Variants in OC90 observed in about 807,000 individuals in gnomAD.
OC90 encodes otoconin 90.
In OC90, 46 loss-of-function variants were observed where a neutral mutation model predicts 47.3. That is an observed-to-expected ratio of 0.97 (90% CI 0.77 to 1.24). The LOEUF (loss-of-function observed/expected upper bound fraction) is 1.24, where lower values mean the gene tolerates loss of function less well. Ranked by LOEUF, OC90 falls within the 50% of genes most tolerant of loss-of-function variation. The probability of loss-of-function intolerance (pLI) is 0.00; values close to 1 mark genes in which losing one functional copy is unlikely to be tolerated. For synonymous variants in OC90, 271 were observed against 219.5 expected, an observed-to-expected ratio of 1.23 and a Z score of -2.07; for missense variants, 688 against 583.9, an observed-to-expected ratio of 1.18 and a Z score of -1.84.
chr8:132,044,030 T>G (rs1387833576), intron 4 of OC90, among the ~76,000 whole-genome samples: 3 of 152,166 alleles, frequency 2.0e-5, no homozygotes, highest in Non-Finnish European at 4.4e-5. Flanking sequence ...AAACTTTATA[T>G]TTACTAGTGA....
chr8:132,055,172 G>A (rs998511544), intron 1 of OC90, 99 bp from the exon 2 acceptor site: 2 of 631,554 alleles, frequency 3.2e-6, no homozygotes, highest in Non-Finnish European at 5.5e-6. Flanking sequence ...CACAAGGCAT[G>A]TGGTAAAAGG....
At position 132,038,778 on chromosome 8, in the gene OC90, G is replaced by A; in HGVS notation, c.628+12C>T. The A allele has an allele frequency of 6.2e-7, 1 of 1,611,776 alleles. No individual in the cohort carries two copies. ...TTGTGGTTCAAGAGCCACCAACCCT[G>A]GGAGGCCTTACCTCTGGGCAGAAGT... On this transcript the variant is annotated intron_variant, in intron 8 of 13. Transcript: ENST00000254627.
At chr8:132,027,445 A>C (rs1163217870) in intron 13 of OC90, among the ~76,000 whole-genome samples, 2 of 152,242 alleles carry the variant, frequency 1.3e-5, no homozygotes, top group Non-Finnish European at 2.9e-5. Context: ...GAGGTTGTGT[A>C]GAGGAAGAAG....
At chr8:132,026,240 A>G (rs531390842) in intron 13 of OC90, among the ~76,000 whole-genome samples, 2 of 152,314 alleles carry the variant, frequency 1.3e-5, no homozygotes, top group East Asian at 3.9e-4. Flanking sequence ...CTACACATAC[A>G]TAAGTTTCTA....
rs527764533 is a variant in OC90, at chr8:132,037,246, T to C, written c.679+192A>G. On this transcript the variant is annotated intron_variant, in intron 9 of 13. Transcript: ENST00000254627. ...TCTCATGTTGAAATGTAATCCCCAG[T>C]GTTGGAGATGGGGCCTGGTGGGAGG... Among the ~76,000 whole-genome samples, 17 of 152,288 alleles carry C rather than the reference T, an allele frequency of 1.1e-4. No homozygotes were observed. In the South Asian group the frequency reaches 3.3e-3, roughly 30 times the overall value.
chr8:132,032,666 T>C lies in OC90; in HGVS notation c.859+373A>G, dbSNP rs1055213131. ...CCTCCTTGCAGGTGCAGGGGCTTTT[T>C]TAAGGCATCAGAGGGAGGAGAGACA... On this transcript the variant is annotated intron_variant, in intron 11 of 13. Coordinates refer to ENST00000254627, the MANE Select transcript of OC90 (RefSeq NM_001080399.3). Among the ~76,000 whole-genome samples the C allele has an allele frequency of 8.5e-5, 13 of 152,220 alleles. 1 individual carries two copies. Among genetic ancestry groups the C allele is most frequent in the African/African-American group, 3.1e-4 (13 of 41,452 alleles).
rs1343627072 is a variant in OC90, at chr8:132,024,414, G to C, written c.*67C>G. ...GGCTCCAAGGGACAGAGGAGGCTGA[G>C]AGATAAAGAGCTGAAGGTGGAGCAG... On this transcript the variant is annotated 3_prime_UTR_variant, in exon 14 of 14. Coordinates refer to ENST00000254627, the MANE Select transcript of OC90 (RefSeq NM_001080399.3). 7.9e-7 allele frequency: 1 copy of C among 1,260,120 alleles called. No homozygotes were observed. The highest frequency in any genetic ancestry group is 1.1e-6 in the Non-Finnish European group (1 of 911,226). The allele number at this position is 1,260,120 out of a possible 1,614,324, so 78.1% of individuals were successfully genotyped here.
intron 1 of OC90, 97 bp from the exon 2 acceptor site, chr8:132,055,170 A>G: frequency 1.5e-6 from 1 of 650,750 alleles, no homozygotes; most frequent in Non-Finnish European, 2.6e-6. Flanking sequence ...CCCACAAGGC[A>G]TGTGGTAAAA....
Position 132,045,898 on chromosome 8 carries a change from G to A in OC90, c.47-15C>T. ...AGGATGGCCTCCTATAAATAAGGAA[G>A]AGAAAGTAGGGTAAGCACAAACACT... On this transcript the variant is annotated splice_polypyrimidine_tract_variant and intron_variant, in intron 2 of 13. Coordinates refer to ENST00000254627, the MANE Select transcript of OC90 (RefSeq NM_001080399.3). 1 of 1,477,714 alleles carries A rather than the reference G, an allele frequency of 6.8e-7. No individual in the cohort carries two copies. Among genetic ancestry groups the A allele is most frequent in the South Asian group, 1.2e-5 (1 of 82,474 alleles). The allele number at this position is 1,477,714 out of a possible 1,614,324, so 91.5% of individuals were successfully genotyped here. A position where few individuals can be genotyped will look rare whatever the true frequency, so the allele number is the denominator to read the frequency against.
chr8:132,054,951 G>T, intron 2 of OC90, 30 bp downstream of exon 2: 1 of 1,508,360 alleles, frequency 6.6e-7, no homozygotes, highest in Non-Finnish European at 9.0e-7. Context: ...ATGCTAAGCT[G>T]GAACTATGGT....
intron 2 of OC90, among the ~76,000 whole-genome samples, chr8:132,052,331 T>C (rs1823223796): frequency 6.6e-6 from 1 of 152,224 alleles, no homozygotes; most frequent in African/African-American, 2.4e-5. Context: ...TGGGCATAAT[T>C]GCCTTGGAAA....
At chr8:132,057,206 A>G (rs1431871771) in intron 1 of OC90, among the ~76,000 whole-genome samples, 1 of 152,204 alleles carries the variant, frequency 6.6e-6, no homozygotes, top group Admixed American at 6.5e-5. Context: ...TAGCTGCTAC[A>G]ATGAAGGCCT....
chr8:132,043,096 T>C (rs1288529143), intron 4 of OC90, among the ~76,000 whole-genome samples: 2 of 152,246 alleles, frequency 1.3e-5, no homozygotes, highest in Admixed American at 1.3e-4. Flanking sequence ...GTTCACTGAA[T>C]GGATCCCAAA....
chr8:132,031,857 G>C, intron 12 of OC90, 24 bp downstream of exon 12: 1 of 1,607,940 alleles, frequency 6.2e-7, no homozygotes. Context: ...CTACACCAGA[G>C]CTGTCACCGC....
intron 12 of OC90, 117 bp downstream of exon 12, chr8:132,031,764 C>T (rs1434284321): frequency 2.2e-5 from 18 of 809,362 alleles, no homozygotes; most frequent in Middle Eastern, 3.4e-4. Context: ...GCTGTGTGCA[C>T]CAAGCATTTA....
At chr8:132,028,932 A>G (rs6471025) in intron 13 of OC90, 141 bp downstream of exon 13, 398,820 of 553,384 alleles carry the variant, frequency 0.72, 144,277 homozygotes, top group East Asian at 0.76. Flanking sequence ...AAGGAAGGGA[A>G]GGAAGGAAGG....
intron 4 of OC90, among the ~76,000 whole-genome samples, chr8:132,042,274 A>G (rs1467096771): frequency 6.6e-6 from 1 of 152,230 alleles, no homozygotes; most frequent in African/African-American, 2.4e-5. Context: ...CAAGATAGAC[A>G]GAGGCTGCTG....
intron 3 of OC90, 93 bp downstream of exon 3, chr8:132,045,725 G>T (rs1289176252): frequency 1.4e-6 from 1 of 731,700 alleles, no homozygotes; most frequent in Non-Finnish European, 2.4e-6. Context: ...GCAGTGAGTG[G>T]CTCTAGGGTG....
chr8:132,058,850 G>A (rs552291187), intron 1 of OC90, among the ~76,000 whole-genome samples: 1 of 152,122 alleles, frequency 6.6e-6, no homozygotes, highest in Admixed American at 6.5e-5. Context: ...TTTTCCCCCG[G>A]GTAAATTTGC....
Sources: gnomAD v4.1 joint callset for allele counts (sites outside exome capture counted in the v4.1 genomes callset) on GRCh38, gnomAD v4.1.1 for gene constraint, MANE v1.5 for transcripts, NCBI Gene and HGNC (gene_info 2026-07-23, HGNC 2026-07-21) for gene names.